ESPL1: variants seen among roughly 807,000 people sequenced by gnomAD.
ESPL1 encodes the protein extra spindle pole bodies like 1, separase, also known as separin.
A neutral mutation model predicts 217.2 loss-of-function variants in ESPL1; 50 were observed. The observed-to-expected ratio is 0.23, with a 90% CI of 0.18 to 0.29. ESPL1 has a LOEUF of 0.29. ESPL1 is among the 10% of genes least tolerant of loss of function. The probability of loss-of-function intolerance (pLI) is 1.00; values close to 1 mark genes in which losing one functional copy is unlikely to be tolerated. For synonymous variants in ESPL1, 994 were observed against 1,081.3 expected (o/e 0.92, Z 1.58); for missense variants, 1,834 against 2,603.0 (o/e 0.70, Z 6.43).
Position 53,286,731 on chromosome 12 carries a change from A to G in ESPL1, c.3995A>G (p.Asn1332Ser). The G allele has an allele frequency of 1.2e-6, 2 of 1,614,128 alleles. No homozygotes were observed. The highest frequency in any genetic ancestry group is 8.5e-7 in the Non-Finnish European group (1 of 1,180,016). The stretch of plus-strand genomic sequence containing the variant: ...GCCTCTGCTCCCCTGCGCCTCAATA[A>G]TACCTCTCAGAAAGGTCTGGAAGGT... The part of the protein sequence containing the change: ...KLASAPLRLN[N>S]TSQKGLEGRG... Residue 1332 changes from asparagine to serine, a missense_variant, in exon 18 of 31, where the codon AAT becomes AGT. This residue lies in a region of ESPL1 where 681 missense variants were observed against 808.0 expected (regional missense o/e 0.84). Coordinates refer to ENST00000257934, the MANE Select transcript of ESPL1 (RefSeq NM_012291.5). This position sits in a 1 kb window ranked among gnomAD's most constrained non-coding sequence, Gnocchi z 5.3.
At position 53,269,629 on chromosome 12, in the gene ESPL1, C is replaced by T; in HGVS notation, c.687C>T (p.Ile229=). Residue 229 remains isoleucine (I), a synonymous_variant, in exon 3 of 31, where the codon ATC becomes ATT. Coordinates refer to ENST00000257934, the MANE Select transcript of ESPL1 (RefSeq NM_012291.5). This position sits in a 1 kb window ranked among gnomAD's most constrained non-coding sequence, Gnocchi z 6.7. ...FLDDLLSRHV[I]RALVGERGSS... Reference sequence around the variant, plus strand: ...ATGACCTGCTCTCCAGGCACGTGATCAGAGCCTTGGTGGGTGAGAGAGGGA... The same window carrying T: ...ATGACCTGCTCTCCAGGCACGTGATTAGAGCCTTGGTGGGTGAGAGAGGGA... The T allele has an allele frequency of 6.2e-7, 1 of 1,614,246 alleles. No homozygotes were observed. The highest frequency in any genetic ancestry group is 8.5e-7 in the Non-Finnish European group (1 of 1,180,046).
intron 24 of ESPL1, 90 bp downstream of exon 24, chr12:53,290,559 T>C: frequency 7.2e-7 from 1 of 1,397,278 alleles, no homozygotes; most frequent in Non-Finnish European, 1.0e-6. Context: ...GGGTCAGTGC[T>C]AAAGCCACTT....
Position 53,282,384 on chromosome 12 carries a change from C to T in ESPL1, c.2740C>T (p.Leu914Phe). 6.2e-7 allele frequency: 1 copy of T among 1,614,204 alleles called. No individual in the cohort carries two copies. The highest frequency in any genetic ancestry group is 8.5e-7 in the Non-Finnish European group (1 of 1,180,036). ...VLQLVAAYLS[L>F]PSNNLSHSLW... The stretch of plus-strand genomic sequence containing the variant: ...GCAGCTGGTGGCAGCTTACCTTAGC[C>T]TCCCGTCAAACAACCTCTCACACTC... The change falls in exon 14 of 31, where the codon CTC becomes TTC. Residue 914 changes from leucine to phenylalanine, a missense_variant. Physicochemically the swap from Leu to Phe is conservative, Grantham distance 22 (BLOSUM62 0). This residue lies in a region of ESPL1 where 107 missense variants were observed against 171.7 expected (regional missense o/e 0.62). Coordinates refer to ENST00000257934, the MANE Select transcript of ESPL1 (RefSeq NM_012291.5). The surrounding 1 kb of genome is among the most constrained non-coding windows in gnomAD (Gnocchi z 4.0).
At chr12:53,273,816 C>T (rs993419481) in intron 6 of ESPL1, among the ~76,000 whole-genome samples, 1 of 146,738 alleles carries the variant, frequency 6.8e-6, no homozygotes, top group Non-Finnish European at 1.5e-5. Flanking sequence ...AGAGTGAGAA[C>T]CTGGGTTCTT....
intron 5 of ESPL1, among the ~76,000 whole-genome samples, chr12:53,271,905 G>A (rs1943681488): frequency 6.6e-6 from 1 of 152,102 alleles, no homozygotes; most frequent in African/African-American, 2.4e-5. Flanking sequence ...CTGGCTAACA[G>A]TGAAACCCCG....
Position 53,282,567 on chromosome 12 carries a change from C to T in ESPL1, c.2791+132C>T. 1.3e-6 allele frequency: 1 copy of T among 762,800 alleles called. No individual in the cohort carries two copies. The allele number at this position is 762,800 out of a possible 1,614,324, so 47.3% of individuals were successfully genotyped here. A position where few individuals can be genotyped will look rare whatever the true frequency, so the allele number is the denominator to read the frequency against. On this transcript the variant is annotated intron_variant, in intron 14 of 30. Coordinates refer to ENST00000257934, the MANE Select transcript of ESPL1 (RefSeq NM_012291.5). The surrounding 1 kb of genome is among the most constrained non-coding windows in gnomAD (Gnocchi z 4.0). ...CTACCTAGAACCTGCACAGAGTAGG[C>T]CTGGGATAGCAGATGGGTTTCAGTT...
rs773785263 is a variant in ESPL1 at position 53,290,140 on chromosome 12, C to T, written c.5169C>T (p.Asn1723=). ...LATLQPGTVG[N]TLLLTRLEKD... ...CCCTCCAGCCCGGAACCGTGGGCAA[C>T]ACCCTCCTGCTGACCCGGCTGGAAA... Residue 1723 remains asparagine (N), a synonymous_variant, in exon 23 of 31, where the codon AAC becomes AAT. Transcript: ENST00000257934. 3.1e-6 allele frequency: 5 copies of T among 1,613,848 alleles called. No homozygotes were observed. The African/African-American group carries it at 6.7e-5, about 22-fold the overall frequency.
chr12:53,273,836 G>GTTTTTTTTT lies in ESPL1; in HGVS notation c.1507-959_1507-951dup, dbSNP rs71096001. On this transcript the variant is annotated intron_variant, in intron 6 of 30. Transcript: ENST00000257934. ...GAGAACCTGGGTTCTTGGTTTTTTG[G>GTTTTTTTTT]TTTTTTTTTTTTTTTTTTTTTTTTT... Among the ~76,000 whole-genome samples the GTTTTTTTTT allele has an allele frequency of 6.6e-4, 42 of 63,168 alleles. 2 individuals carry two copies. Among genetic ancestry groups the GTTTTTTTTT allele is most frequent in the African/African-American group, 1.9e-3 (24 of 12,824 alleles). 41.4% of individuals were successfully genotyped at this position (63,168 alleles called of 152,430 possible).
In ESPL1 at chr12:53,292,134, A is replaced by AG. The variant is rs758448835; in HGVS notation, c.5796+47dup. ...TCTGGGGATGACTGGCGACTGGGGAAGACGTCAACAAAGAAGGGCAGAGAA... is the reference window on the plus strand; with the variant it reads ...TCTGGGGATGACTGGCGACTGGGGAAGGACGTCAACAAAGAAGGGCAGAGAA... On this transcript the variant is annotated intron_variant, in intron 27 of 30. Transcript: ENST00000257934. This position sits in a 1 kb window ranked among gnomAD's most constrained non-coding sequence, Gnocchi z 4.5. 3.0e-5 allele frequency: 45 copies of AG among 1,501,314 alleles called. No individual in the cohort carries two copies. Among genetic ancestry groups the AG allele is most frequent in the Non-Finnish European group, 3.6e-5 (39 of 1,077,414 alleles). The allele number at this position is 1,501,314 out of a possible 1,614,324, so 93.0% of individuals were successfully genotyped here. A position where few individuals can be genotyped will look rare whatever the true frequency, so the allele number is the denominator to read the frequency against.
In ESPL1 at chr12:53,269,414, C is replaced by T; in HGVS notation, c.472C>T (p.Leu158=). The T allele has an allele frequency of 6.2e-7, 1 of 1,613,954 alleles. No individual in the cohort carries two copies. Among genetic ancestry groups the T allele is most frequent in the South Asian group, 1.1e-5 (1 of 91,074 alleles). The change falls in exon 3 of 31, where the codon CTG becomes TTG. Residue 158 remains leucine, a synonymous_variant. Transcript: ENST00000257934. The surrounding 1 kb of genome is among the most constrained non-coding windows in gnomAD (Gnocchi z 6.7). The stretch of plus-strand genomic sequence containing the variant: ...TCTGCTTTGGAAGGGGGCAGAAGCC[C>T]TGTTGGAACGGCGAGCTGCATTTGC... ...FSLLWKGAEA[L]LERRAAFAAR...
Position 53,282,406 on chromosome 12 carries a change from A to G in ESPL1, c.2762A>G (p.His921Arg), listed in dbSNP as rs1343012633. 6.2e-7 allele frequency: 1 copy of G among 1,613,422 alleles called. No individual in the cohort carries two copies. ...AGCCTCCCGTCAAACAACCTCTCAC[A>G]CTCCCTGTGGGAGCAGCTCTGTGCC... The part of the protein sequence containing the change: ...YLSLPSNNLS[H>R]SLWEQLCAQG... The change falls in exon 14 of 31, where the codon CAC (histidine) becomes CGC (arginine). Residue 921 changes from histidine to arginine, a missense_variant. By Grantham distance (29) the His-to-Arg change is conservative (BLOSUM62 0). Transcript: ENST00000257934. The surrounding 1 kb of genome is among the most constrained non-coding windows in gnomAD (Gnocchi z 4.0).
intron 17 of ESPL1, among the ~76,000 whole-genome samples, chr12:53,284,493 T>G (rs565900884): frequency 7.9e-5 from 12 of 151,200 alleles, no homozygotes; most frequent in Non-Finnish European, 8.8e-5. Context: ...TGACCTCAGG[T>G]GATCCACCCG....
chr12:53,289,176 C>T lies in ESPL1; in HGVS notation c.4795C>T (p.His1599Tyr). The T allele has an allele frequency of 1.2e-6, 2 of 1,614,206 alleles. No homozygotes were observed. The highest frequency in any genetic ancestry group is 1.7e-6 in the Non-Finnish European group (2 of 1,180,022). ...SHCPPSGLYA[H>Y]LCRFLALCLG... is the part of the protein sequence containing the mutation. ...CTGTCCTCCTAGTGGGCTCTATGCC[C>T]ACCTCTGCCGCTTCCTGGCCTTGTG... Residue 1599 changes from histidine (H) to tyrosine (Y), a missense_variant, in exon 21 of 31, where the codon CAC becomes TAC. Transcript: ENST00000257934.
chr12:53,276,926 C>G (rs1258676774), intron 8 of ESPL1, 67 bp downstream of exon 8: 11 of 1,580,072 alleles, frequency 7.0e-6, no homozygotes, highest in Non-Finnish European at 7.8e-6. Flanking sequence ...CTCTTGAGAA[C>G]CAGTTTCCCT....
intron 16 of ESPL1, 109 bp downstream of exon 16, chr12:53,283,647 C>G (rs960653865): frequency 7.0e-6 from 8 of 1,144,818 alleles, no homozygotes; most frequent in Non-Finnish European, 1.0e-5. Flanking sequence ...TAGATACATT[C>G]GTGGAAAAAG....
At position 53,286,870 on chromosome 12, in the gene ESPL1, C is replaced by A. The variant is rs1437385122; in HGVS notation, c.4134C>A (p.Pro1378=). The change falls in exon 18 of 31, where the codon CCC becomes CCA. Residue 1378 remains proline, a synonymous_variant. Transcript: ENST00000257934. The surrounding 1 kb of genome is among the most constrained non-coding windows in gnomAD (Gnocchi z 5.3). ...VCPTESKPEV[P]QAPRVQQRVQ... ...CTACAGAGAGCAAGCCTGAAGTACCCCAGGCCCCCAGGGTACAACAGAGAG... is the reference window on the plus strand; with the variant it reads ...CTACAGAGAGCAAGCCTGAAGTACCACAGGCCCCCAGGGTACAACAGAGAG... 1.2e-6 allele frequency: 2 copies of A among 1,612,182 alleles called. No individual in the cohort carries two copies. The highest frequency in any genetic ancestry group is 4.5e-5 in the East Asian group (2 of 44,890).
rs1943773256 is a variant in ESPL1, at chr12:53,276,801, C to G, written c.1882C>G (p.His628Asp). The change falls in exon 8 of 31, where the codon CAC (histidine) becomes GAC (aspartate). Residue 628 changes from histidine to aspartate, a missense_variant. Physicochemically the swap from His to Asp is moderately conservative, Grantham distance 81. Around this residue, in one of 5 missense-constraint regions of ESPL1, gnomAD observed 746 missense variants for 1,077.0 expected, o/e 0.69. Coordinates refer to ENST00000257934, the MANE Select transcript of ESPL1 (RefSeq NM_012291.5). ...AGCCGGGGCCTGGGCACGAGCCACC[C>G]ACCTGGTAGAACTGGCTCAGGTGCT... Reference protein sequence around the residue: ...TPAGAWARATHLVELAQVLCY... With the variant: ...TPAGAWARATDLVELAQVLCY... 1 of 1,613,946 alleles carries G rather than the reference C, an allele frequency of 6.2e-7. No individual in the cohort carries two copies. The highest frequency in any genetic ancestry group is 8.5e-7 in the Non-Finnish European group (1 of 1,180,020).
rs2120872029 is a variant in ESPL1, at chr12:53,269,863, A to G, written c.921A>G (p.Gly307=). ...GVKLLQVGEE[G]PQAVAKLLIK... ...AGCTGCTGCAGGTTGGGGAGGAAGG[A>G]CCTCAGGCAGTGGCCAAGCTTCTGA... Residue 307 remains glycine (G), a synonymous_variant, in exon 3 of 31, where the codon GGA becomes GGG. Transcript: ENST00000257934. This position sits in a 1 kb window ranked among gnomAD's most constrained non-coding sequence, Gnocchi z 6.7. The G allele has an allele frequency of 6.2e-7, 1 of 1,614,198 alleles. No individual in the cohort carries two copies.
At chr12:53,290,007 G>T (rs1467441133) in intron 22 of ESPL1, 78 bp from the exon 23 acceptor site, 1 of 1,523,394 alleles carries the variant, frequency 6.6e-7, no homozygotes, top group Non-Finnish European at 9.0e-7. Context: ...TTGAGTGATG[G>T]ATAGGAATTG....
Sources: allele counts gnomAD v4.1 joint callset (sites outside exome capture counted in the v4.1 genomes callset), GRCh38; gene constraint gnomAD v4.1.1; regional missense constraint gnomAD v4.1.1; non-coding constraint Gnocchi (gnomAD v3.1); transcripts MANE v1.5; gene names NCBI Gene and HGNC (gene_info 2026-07-23, HGNC 2026-07-21).